TBC1D4: variants seen among roughly 807,000 people sequenced by gnomAD.
TBC1D4 encodes the protein TBC (Tre-2, BUB2, CDC16) domain-containing protein.
In TBC1D4, 121 loss-of-function variants were observed where a neutral mutation model predicts 142.5. The ratio of observed to expected loss-of-function variants is 0.85; its 90% CI spans 0.73 to 0.99. TBC1D4 has a LOEUF of 0.99. Among genes scored for constraint, TBC1D4 ranks in the 50% least tolerant of loss-of-function variants. TBC1D4 has a pLI of 0.00. For synonymous variants in TBC1D4, 630 were observed against 628.2 expected (o/e 1.00, Z -0.04); for missense variants, 1,475 against 1,606.6 (o/e 0.92, Z 1.40).
Position 75,362,038 on chromosome 13 carries a change from G to A in TBC1D4, c.1068C>T (p.Thr356=), listed in dbSNP as rs757423439. The change falls in exon 2 of 21, where the codon ACC becomes ACT. Residue 356 remains threonine (T), a synonymous_variant. Transcript: ENST00000377636. This position sits in a 1 kb window ranked among gnomAD's most constrained non-coding sequence, Gnocchi z 4.2. ...CGATCAGGTGTACCTGGAAGAGCAT[G>A]GTCCTGTTCTTCTCCGAGTCCGAGG... The part of the protein sequence containing the change: ...VQPSDSEKNR[T]MLFQVGRFEI... The A allele has an allele frequency of 3.1e-6, 5 of 1,614,034 alleles. No individual in the cohort carries two copies. Among genetic ancestry groups the A allele is most frequent in the Non-Finnish European group, 4.2e-6 (5 of 1,180,054 alleles).
Position 75,326,386 on chromosome 13 carries a change from G to T in TBC1D4, c.1844C>A (p.Pro615Gln). The T allele has an allele frequency of 6.2e-7, 1 of 1,614,138 alleles. No individual in the cohort carries two copies. The highest frequency in any genetic ancestry group is 8.5e-7 in the Non-Finnish European group (1 of 1,180,034). The change falls in exon 10 of 21, where the codon CCA (proline) becomes CAA (glutamine). Residue 615 changes from proline (P) to glutamine (Q), a missense_variant. Coordinates refer to ENST00000377636, the MANE Select transcript of TBC1D4 (RefSeq NM_014832.5). ...CCAAGCTGAGGACGGTGGGGACGCT[G>T]GCGGTGTCCCTGGTGGAGAATCCCC... ...SPGDSPPGTP[P>Q]ASPPSSAWQT... is the part of the protein sequence containing the mutation.
chr13:75,406,446 C>A (rs117200457), intron 1 of TBC1D4, among the ~76,000 whole-genome samples: 1 of 152,152 alleles, frequency 6.6e-6, no homozygotes, highest in African/African-American at 2.4e-5. Context: ...CTTCAACAGA[C>A]GGCACATTGC....
chr13:75,294,921 A>C lies in TBC1D4; in HGVS notation c.3249T>G (p.Tyr1083Ter). ...ACAATGTGAGGAACCAGGGGGCAGCATAAAGACTGGGGCTGATTTCATTTT... is the reference window on the plus strand; with the variant it reads ...ACAATGTGAGGAACCAGGGGGCAGCCTAAAGACTGGGGCTGATTTCATTTT... ...LEENEISPSL[Y>*]AAPWFLTLFA... Residue 1083 changes from tyrosine to a stop codon, truncating the protein, a stop_gained, in exon 18 of 21, where the codon TAT becomes TAG. Transcript: ENST00000377636. LOFTEE classifies it high-confidence loss of function. The C allele has an allele frequency of 1.2e-6, 2 of 1,614,038 alleles. No individual in the cohort carries two copies. The highest frequency in any genetic ancestry group is 4.5e-5 in the East Asian group (2 of 44,860).
At chr13:75,296,980 G>C (rs1017250877) in intron 17 of TBC1D4, among the ~76,000 whole-genome samples, 4 of 152,048 alleles carry the variant, frequency 2.6e-5, no homozygotes, top group South Asian at 2.1e-4. Context: ...CCCACTGCAA[G>C]AGGCATTTAA....
chr13:75,460,943 G>C, intron 1 of TBC1D4, among the ~76,000 whole-genome samples: 1 of 152,054 alleles, frequency 6.6e-6, no homozygotes, highest in East Asian at 1.9e-4. Context: ...CAAAAAAGGA[G>C]AGAGATAAGG....
intron 1 of TBC1D4, among the ~76,000 whole-genome samples, chr13:75,404,413 A>G (rs1178131642): frequency 6.6e-6 from 1 of 152,152 alleles, no homozygotes; most frequent in African/African-American, 2.4e-5. Context: ...AACACATTAC[A>G]TTTAGTCATA....
intron 1 of TBC1D4, among the ~76,000 whole-genome samples, chr13:75,468,487 T>C (rs774655408): frequency 1.3e-5 from 2 of 152,074 alleles, no homozygotes; most frequent in Non-Finnish European, 2.9e-5. Context: ...ACACACATTC[T>C]CCTGTTGGTA....
chr13:75,478,650 T>C (rs531934813), intron 1 of TBC1D4, among the ~76,000 whole-genome samples: 1 of 152,338 alleles, frequency 6.6e-6, no homozygotes, highest in South Asian at 2.1e-4. Context: ...CAACTCTGCA[T>C]GAAGCATACT....
chr13:75,299,276 C>T (rs901346641), intron 17 of TBC1D4, 54 bp downstream of exon 17: 4 of 1,611,308 alleles, frequency 2.5e-6, no homozygotes, highest in African/African-American at 2.7e-5. Context: ...GAGAAGAGGG[C>T]CAGGATTTCT....
chr13:75,417,390 C>T (rs1885967118), intron 1 of TBC1D4, among the ~76,000 whole-genome samples: 1 of 152,136 alleles, frequency 6.6e-6, no homozygotes, highest in African/African-American at 2.4e-5. Context: ...TAACACTGCC[C>T]TTTGGAGTCT....
chr13:75,291,191 T>C (rs1875265443), intron 19 of TBC1D4, among the ~76,000 whole-genome samples: 1 of 152,110 alleles, frequency 6.6e-6, no homozygotes, highest in African/African-American at 2.4e-5. Context: ...TCCCCACACT[T>C]ACTTTCTGGC....
intron 1 of TBC1D4, among the ~76,000 whole-genome samples, chr13:75,408,216 C>A (rs916796056): frequency 6.6e-6 from 1 of 152,158 alleles, no homozygotes; most frequent in Non-Finnish European, 1.5e-5. Context: ...AATATGTGGT[C>A]TTCTGTGACT....
intron 1 of TBC1D4, among the ~76,000 whole-genome samples, chr13:75,439,689 AGGCTG>A (rs1415901118): frequency 6.6e-6 from 1 of 152,012 alleles, no homozygotes; most frequent in African/African-American, 2.4e-5. Flanking sequence ...TCTGTCACCC[AGGCTG>A]GAGTGCAGTG....
chr13:75,407,813 C>A (rs867575158), intron 1 of TBC1D4, among the ~76,000 whole-genome samples: 34 of 151,298 alleles, frequency 2.2e-4, no homozygotes, highest in African/African-American at 5.6e-4. Context: ...CCAGGACTCA[C>A]ATCTAAGACA....
intron 1 of TBC1D4, among the ~76,000 whole-genome samples, chr13:75,387,238 AT>A (rs1884232408): frequency 6.6e-6 from 1 of 152,210 alleles, no homozygotes; most frequent in African/African-American, 2.4e-5. Flanking sequence ...TCTGCACTCA[AT>A]CTGCCATGAC....
At chr13:75,455,644 T>C (rs2138259252) in intron 1 of TBC1D4, among the ~76,000 whole-genome samples, 1 of 152,166 alleles carries the variant, frequency 6.6e-6, no homozygotes, top group East Asian at 1.9e-4. Context: ...AATCATAAAA[T>C]AAAATGAGGA....
chr13:75,308,032 C>T (rs1593898467), intron 14 of TBC1D4, among the ~76,000 whole-genome samples: 1 of 152,212 alleles, frequency 6.6e-6, no homozygotes, highest in African/African-American at 2.4e-5. Flanking sequence ...TCACGAGCAT[C>T]TGCTTATGTG....
intron 1 of TBC1D4, among the ~76,000 whole-genome samples, chr13:75,438,734 T>C (rs1394968635): frequency 6.6e-6 from 1 of 152,202 alleles, no homozygotes; most frequent in African/African-American, 2.4e-5. Flanking sequence ...TCAACGTCTA[T>C]AGATAAACAG....
At chr13:75,345,062 C>A (rs559237603) in intron 5 of TBC1D4, among the ~76,000 whole-genome samples, 2 of 152,162 alleles carry the variant, frequency 1.3e-5, no homozygotes, top group Non-Finnish European at 2.9e-5. Flanking sequence ...AGGGTCCCTG[C>A]CTTTGGATAC....
Sources: gnomAD v4.1 joint callset for allele counts (sites outside exome capture counted in the v4.1 genomes callset) on GRCh38, gnomAD v4.1.1 for gene constraint, Gnocchi (gnomAD v3.1) non-coding constraint, MANE v1.5 for transcripts, NCBI Gene and HGNC (gene_info 2026-07-23, HGNC 2026-07-21) for gene names.